The following RGS7 variants were observed in gnomAD, a reference collection of about 807,000 sequenced individuals.
RGS7 encodes the protein regulator of G-protein signaling 7.
A neutral mutation model predicts 81.1 loss-of-function variants in RGS7; 27 were observed. The ratio of observed to expected loss-of-function variants is 0.33; its 90% confidence interval spans 0.25 to 0.46. The LOEUF is 0.46. Ranked by LOEUF, RGS7 falls within the 20% of genes least tolerant of loss-of-function variation. RGS7 has a pLI of 1.00. For synonymous variants in RGS7, 208 were observed against 207.7 expected (o/e 1.00, Z -0.01); for missense variants, 396 against 607.4 (o/e 0.65, Z 3.66).
chr1:241,127,560 G>A (rs369276444), intron 2 of RGS7, among the ~76,000 whole-genome samples: 5 of 152,206 alleles, frequency 3.3e-5, no homozygotes, highest in African/African-American at 1.2e-4. Context: ...GGGGAGCGGG[G>A]AGGGATAGCG....
intron 2 of RGS7, among the ~76,000 whole-genome samples, chr1:241,259,320 A>C (rs2077193061): frequency 6.6e-6 from 1 of 152,088 alleles, no homozygotes; most frequent in Admixed American, 6.6e-5. Context: ...GATAAGTATA[A>C]GGGCCAAAAA....
intron 10 of RGS7, among the ~76,000 whole-genome samples, chr1:240,825,567 G>C (rs1160867887): frequency 1.3e-5 from 2 of 152,168 alleles, no homozygotes; most frequent in African/African-American, 4.8e-5. Context: ...GCTCTGGAGT[G>C]AGGCCCTGTC....
At chr1:241,350,738 T>C (rs1453992731) in intron 2 of RGS7, among the ~76,000 whole-genome samples, 4 of 40,390 alleles carry the variant, frequency 9.9e-5, no homozygotes, top group Admixed American at 4.1e-4. Flanking sequence ...TGAGACCCCA[T>C]CTCAAAAAAA....
rs533273046 is a variant in RGS7 at position 241,163,824 on chromosome 1, C to T, written c.79-65062G>A. Among the ~76,000 whole-genome samples the T allele has an allele frequency of 2.7e-5, 4 of 148,972 alleles. No individual in the cohort carries two copies. The highest frequency in any genetic ancestry group is 5.9e-5 in the Non-Finnish European group (4 of 68,000). On this transcript the variant is annotated intron_variant, in intron 2 of 18. Coordinates refer to ENST00000440928, the MANE Select transcript of RGS7 (RefSeq NM_001364886.1). The surrounding 1 kb of genome is among the most constrained non-coding windows in gnomAD (Gnocchi z 4.6). ...AGTTAGTTACCCTCTCCTCACAACC[C>T]ACACCTCACCAACAAGCAAGCCATC... is the stretch of plus-strand genomic sequence containing the variant.
At chr1:241,290,214 T>C (rs1315772132) in intron 2 of RGS7, among the ~76,000 whole-genome samples, 1 of 152,202 alleles carries the variant, frequency 6.6e-6, no homozygotes, top group Non-Finnish European at 1.5e-5. Flanking sequence ...AGAACTGCTA[T>C]AGGCAAGATG....
chr1:241,010,123 T>G (rs1021424891), intron 3 of RGS7, among the ~76,000 whole-genome samples: 4 of 152,152 alleles, frequency 2.6e-5, no homozygotes, highest in African/African-American at 9.7e-5. Flanking sequence ...ACATGGCATA[T>G]GTATACCTAT....
At chr1:241,057,903 G>T (rs2061551441) in intron 3 of RGS7, among the ~76,000 whole-genome samples, 1 of 152,114 alleles carries the variant, frequency 6.6e-6, no homozygotes, top group Non-Finnish European at 1.5e-5. Context: ...AAATTTATAG[G>T]TTGTGAATCC....
intron 2 of RGS7, among the ~76,000 whole-genome samples, chr1:241,313,432 CA>C (rs767734465): frequency 1.3e-5 from 2 of 152,096 alleles, no homozygotes; most frequent in Non-Finnish European, 2.9e-5. Flanking sequence ...TTGACCATTC[CA>C]AAAATCCTAG....
intron 2 of RGS7, among the ~76,000 whole-genome samples, chr1:241,121,707 GTTCTTTTTTTTTTTTTT>G (rs1157117414): frequency 1.6e-5 from 1 of 62,286 alleles, no homozygotes; most frequent in Non-Finnish European, 3.1e-5. Flanking sequence ...TGTTGCAATT[GTTCTTTTTTTTTTTTTT>G]TTTTTTTTTT....
chr1:241,159,811 TG>T (rs60248614), intron 2 of RGS7, among the ~76,000 whole-genome samples: 2,075 of 151,700 alleles, frequency 0.014, 32 homozygotes, highest in African/African-American at 0.047. Flanking sequence ...AGGGAGAGGG[TG>T]TTCTAAGCCA....
At chr1:241,094,615 A>AAAACCAAAACC (rs369144420) in intron 3 of RGS7, among the ~76,000 whole-genome samples, 8 of 143,718 alleles carry the variant, frequency 5.6e-5, no homozygotes, top group African/African-American at 2.3e-4. Flanking sequence ...AAACCAAAAC[A>AAAACCAAAACC]AAAACAAAAA....
intron 3 of RGS7, among the ~76,000 whole-genome samples, chr1:241,062,108 C>T (rs190140889): frequency 6.6e-6 from 1 of 152,334 alleles, no homozygotes; most frequent in Non-Finnish European, 1.5e-5. Flanking sequence ...AAGTGATCTT[C>T]TATAGGAAAT....
chr1:240,981,399 C>T (rs568031415), intron 4 of RGS7, among the ~76,000 whole-genome samples: 30 of 152,260 alleles, frequency 2.0e-4, no homozygotes, highest in South Asian at 1.0e-3. Flanking sequence ...CATGAGTCAC[C>T]GCGCCTGACC....
At chr1:241,230,952 C>T (rs1032775251) in intron 2 of RGS7, among the ~76,000 whole-genome samples, 10 of 152,076 alleles carry the variant, frequency 6.6e-5, no homozygotes, top group South Asian at 6.2e-4. Flanking sequence ...ATTTATATTT[C>T]CTCATCTTTT....
chr1:241,060,232 G>C (rs76437947), intron 3 of RGS7, among the ~76,000 whole-genome samples: 7,945 of 152,260 alleles, frequency 0.052, 230 homozygotes, highest in African/African-American at 0.079. Flanking sequence ...AGTATAGGTA[G>C]CAACAAGTCA....
Position 240,816,076 on chromosome 1 carries a change from A to G in RGS7, c.783+241T>C, listed in dbSNP as rs368560034. The stretch of plus-strand genomic sequence containing the variant: ...ATTTTTACAATTGGTTAGAGGAACA[A>G]GGATTTGGGTAAATAAAGAGTGAGG... On this transcript the variant is annotated intron_variant, in intron 11 of 18. Transcript: ENST00000440928. Among the ~76,000 whole-genome samples the G allele has an allele frequency of 1.5e-4, 23 of 152,368 alleles. 2 individuals are homozygous for G. Among genetic ancestry groups the G allele is most frequent in the East Asian group, 5.8e-4 (3 of 5,188 alleles).
At chr1:241,280,564 C>T (rs1324735362) in intron 2 of RGS7, among the ~76,000 whole-genome samples, 1 of 152,226 alleles carries the variant, frequency 6.6e-6, no homozygotes, top group East Asian at 1.9e-4. Flanking sequence ...GTGGTGCAAT[C>T]ACAGCTCACT....
chr1:240,989,192 C>A (rs527297549), intron 3 of RGS7, among the ~76,000 whole-genome samples: 92 of 151,842 alleles, frequency 6.1e-4, no homozygotes, highest in African/African-American at 1.6e-3. Flanking sequence ...GTAATCCCAG[C>A]ATGTTGGGGG....
intron 2 of RGS7, among the ~76,000 whole-genome samples, chr1:241,212,509 G>A (rs971550028): frequency 6.6e-6 from 1 of 152,144 alleles, no homozygotes. Flanking sequence ...AATAAAAGCT[G>A]AATCTGAAGC....
Sources: allele counts gnomAD v4.1 joint callset (sites outside exome capture counted in the v4.1 genomes callset), GRCh38; gene constraint gnomAD v4.1.1; non-coding constraint Gnocchi (gnomAD v3.1); transcripts MANE v1.5; gene names NCBI Gene and HGNC (gene_info 2026-07-23, HGNC 2026-07-21).